The following UBR2 variants were observed in gnomAD, a reference collection of about 807,000 sequenced individuals.
The protein encoded by UBR2 is ubiquitin protein ligase E3 component n-recognin 2.
In UBR2, 92 loss-of-function variants were observed where a neutral mutation model predicts 247.9. The ratio of observed to expected loss-of-function variants is 0.37; its 90% CI spans 0.31 to 0.44. The LOEUF is 0.44. Among genes scored for constraint, UBR2 ranks in the 20% least tolerant of loss-of-function variants. The pLI, the probability that UBR2 is intolerant of heterozygous loss-of-function variation, is 1.00. For synonymous variants in UBR2, 672 were observed against 693.5 expected (o/e 0.97, Z 0.49); for missense variants, 1,613 against 2,112.6 (o/e 0.76, Z 4.64).
intron 11 of UBR2, chr6:42,619,453 A>ATATATATTTTTTTTTTTTTTTT: frequency 8.4e-5 from 2 of 23,724 alleles, no homozygotes; most frequent in African/African-American, 2.5e-4. Context: ...ATATATATAT[A>ATATATATTTTTTTTTTTTTTTT]TTTTTTTTTT....
chr6:42,585,993 T>C lies in UBR2; in HGVS notation c.339-6158T>C, dbSNP rs369706036. Among the ~76,000 whole-genome samples the C allele has an allele frequency of 2.2e-4, 33 of 152,314 alleles. No homozygotes were observed. The East Asian group carries it at 4.2e-3, about 20-fold the overall frequency. ...TGCTAAACTTCCATGTATTTGAGGC[T>C]TTCTTAGATAACATATTGTAACTTA... On this transcript the variant is annotated intron_variant, in intron 2 of 46. Transcript: ENST00000372901.
intron 25 of UBR2, among the ~76,000 whole-genome samples, chr6:42,653,474 T>A (rs1797240712): frequency 6.6e-6 from 1 of 152,140 alleles, no homozygotes; most frequent in African/African-American, 2.4e-5. Context: ...AGATACAACT[T>A]TTTTCTCATT....
chr6:42,688,188 T>A (rs1440927614), intron 44 of UBR2, 28 bp from the exon 45 acceptor site: 7 of 1,614,038 alleles, frequency 4.3e-6, no homozygotes, highest in Non-Finnish European at 5.9e-6. Flanking sequence ...TTTAGATCAA[T>A]GACTTGTGGG....
chr6:42,630,907 G>A (rs922365599), intron 11 of UBR2, among the ~76,000 whole-genome samples: 1 of 151,942 alleles, frequency 6.6e-6, no homozygotes, highest in South Asian at 2.1e-4. Context: ...CCCAGGCTCA[G>A]GTGATTTTCC....
intron 16 of UBR2, among the ~76,000 whole-genome samples, chr6:42,641,358 G>A (rs189225242): frequency 6.6e-6 from 1 of 152,128 alleles, no homozygotes; most frequent in African/African-American, 2.4e-5. Context: ...CAGCTACTCG[G>A]GAGGCTGAGG....
intron 17 of UBR2, 111 bp downstream of exon 17, chr6:42,641,803 G>A (rs974703938): frequency 1.3e-6 from 1 of 747,914 alleles, no homozygotes; most frequent in Non-Finnish European, 2.1e-6. Context: ...TATTAAAATT[G>A]TTTGAAAAGA....
Position 42,691,493 on chromosome 6 carries a change from T to A in UBR2, c.*320T>A. On this transcript the variant is annotated 3_prime_UTR_variant, in exon 47 of 47. Transcript: ENST00000372901. Reference sequence around the variant, plus strand: ...ATTATGTGATATTTCACGTTATTGATGATAGTGAACCGTGGGTCCGAAGCT... The same window carrying A: ...ATTATGTGATATTTCACGTTATTGAAGATAGTGAACCGTGGGTCCGAAGCT... 1 of 327,638 alleles carries A rather than the reference T, an allele frequency of 3.1e-6. No individual in the cohort carries two copies. Among genetic ancestry groups the A allele is most frequent in the Non-Finnish European group, 5.7e-6 (1 of 174,538 alleles). 20.3% of individuals were successfully genotyped at this position (327,638 alleles called of 1,614,324 possible).
intron 44 of UBR2, 61 bp from the exon 45 acceptor site, chr6:42,688,154 TC>T: frequency 2.5e-6 from 4 of 1,607,924 alleles, no homozygotes; most frequent in Non-Finnish European, 3.4e-6. Flanking sequence ...GCTGGTTTTT[TC>T]ATCACTAGCT....
chr6:42,644,787 G>A (rs1796658811), intron 20 of UBR2, among the ~76,000 whole-genome samples: 1 of 152,132 alleles, frequency 6.6e-6, no homozygotes, highest in Non-Finnish European at 1.5e-5. Flanking sequence ...TATTTTGCGA[G>A]GTGGTGGTAG....
chr6:42,673,721 T>C (rs1000484446), intron 36 of UBR2, 70 bp from the exon 37 acceptor site: 25 of 1,125,690 alleles, frequency 2.2e-5, no homozygotes, highest in African/African-American at 7.7e-5. Context: ...AGCTGTGCTC[T>C]GAACTAGCAT....
chr6:42,678,723 G>A (rs1303030725), intron 41 of UBR2, 54 bp downstream of exon 41: 5 of 1,550,298 alleles, frequency 3.2e-6, no homozygotes, highest in Non-Finnish European at 4.3e-6. Context: ...CTTTACTCCA[G>A]CAAATATAAA....
chr6:42,591,286 T>A lies in UBR2; in HGVS notation c.339-865T>A, dbSNP rs552776068. Among the ~76,000 whole-genome samples the A allele has an allele frequency of 5.5e-4, 83 of 152,270 alleles. 1 individual carries two copies. Among genetic ancestry groups the A allele is most frequent in the Admixed American group, 4.6e-3 (70 of 15,288 alleles). The stretch of plus-strand genomic sequence containing the variant: ...CCCAGGGGATTTCTGTGTCTGTAAC[T>A]AGGGTTAAAGACTAAATTTTAGCCC... On this transcript the variant is annotated intron_variant, in intron 2 of 46. Transcript: ENST00000372901.
At chr6:42,642,564 T>C (rs886123425) in intron 18 of UBR2, 83 bp downstream of exon 18, 7 of 1,194,478 alleles carry the variant, frequency 5.9e-6, no homozygotes, top group South Asian at 3.9e-5. Flanking sequence ...TCACTTGTGA[T>C]CACTCCCAAA....
chr6:42,615,307 T>C, intron 9 of UBR2, 129 bp downstream of exon 9: 1 of 584,570 alleles, frequency 1.7e-6, no homozygotes, highest in Non-Finnish European at 2.6e-6. Context: ...ATTGCAGTCT[T>C]AGTCTTTGAA....
chr6:42,587,048 G>T (rs934934359), intron 2 of UBR2, among the ~76,000 whole-genome samples: 2 of 151,890 alleles, frequency 1.3e-5, no homozygotes, highest in African/African-American at 4.8e-5. Flanking sequence ...TTGAACTCCT[G>T]ACCTCAGGTA....
chr6:42,635,058 A>G (rs557982838), intron 13 of UBR2, among the ~76,000 whole-genome samples: 17 of 152,326 alleles, frequency 1.1e-4, no homozygotes, highest in Middle Eastern at 3.4e-3. Flanking sequence ...TATAAATTCA[A>G]TAACATTTTA....
intron 7 of UBR2, among the ~76,000 whole-genome samples, chr6:42,609,736 A>G (rs1049858571): frequency 3.3e-5 from 5 of 151,910 alleles, no homozygotes; most frequent in African/African-American, 9.7e-5. Context: ...AAAAAAAATA[A>G]TAACAAAAAT....
chr6:42,608,812 G>C (rs577497901), intron 7 of UBR2, among the ~76,000 whole-genome samples: 1 of 151,884 alleles, frequency 6.6e-6, no homozygotes, highest in Non-Finnish European at 1.5e-5. Flanking sequence ...CTGTTGGATT[G>C]TCTTTTTCTT....
chr6:42,611,570 A>G (rs765338055), intron 7 of UBR2, among the ~76,000 whole-genome samples: 19 of 152,124 alleles, frequency 1.2e-4, no homozygotes, highest in African/African-American at 2.2e-4. Flanking sequence ...CATTTAAATC[A>G]TTTATTATTG....
Sources: allele counts gnomAD v4.1 joint callset (sites outside exome capture counted in the v4.1 genomes callset), GRCh38; gene constraint gnomAD v4.1.1; transcripts MANE v1.5; gene names NCBI Gene and HGNC (gene_info 2026-07-23, HGNC 2026-07-21).